Variants in USP25 observed in about 807,000 individuals in gnomAD.
USP25 encodes ubiquitin specific peptidase 25.
In USP25, 85 loss-of-function variants were observed where a neutral mutation model predicts 158.5. That is an observed-to-expected ratio of 0.54 (90% CI 0.45 to 0.64). USP25 has a LOEUF of 0.64. Ranked by LOEUF, USP25 falls within the 30% of genes least tolerant of loss-of-function variation. The probability of loss-of-function intolerance (pLI) is 0.00; values close to 1 mark genes in which losing one functional copy is unlikely to be tolerated. For missense variants in USP25, 1,242 were observed against 1,327.3 expected, an observed-to-expected ratio of 0.94 and a Z score of 1.00; for synonymous variants, 464 against 460.4, an observed-to-expected ratio of 1.01 and a Z score of -0.10.
intron 20 of USP25, 105 bp from the exon 21 acceptor site, chr21:15,864,158 CAAAAA>C: frequency 4.3e-6 from 4 of 932,096 alleles, no homozygotes; most frequent in Non-Finnish European, 4.4e-6. Flanking sequence ...CTTTAAAAGC[CAAAAA>C]AAAAAAAAAG....
At chr21:15,876,130 G>C (rs1169121337) in intron 24 of USP25, 3 of 152,118 alleles carry the variant, frequency 2.0e-5, no homozygotes, top group Admixed American at 1.3e-4. Flanking sequence ...TCTAATAGGA[G>C]GAACAAGGTT....
intron 1 of USP25, 58 bp from the exon 2 acceptor site, chr21:15,762,833 T>C: frequency 1.4e-6 from 2 of 1,475,738 alleles, no homozygotes; most frequent in South Asian, 1.3e-5. Flanking sequence ...TTGTTTTCTT[T>C]TCCTAGTATA....
intron 4 of USP25, among the ~76,000 whole-genome samples, chr21:15,781,446 T>G (rs535198219): frequency 2.0e-5 from 3 of 152,236 alleles, no homozygotes; most frequent in Admixed American, 1.3e-4. Context: ...TCACAATGGC[T>G]AAAATTAAAA....
At chr21:15,749,757 T>C (rs573350140) in intron 1 of USP25, among the ~76,000 whole-genome samples, 1 of 152,334 alleles carries the variant, frequency 6.6e-6, no homozygotes, top group South Asian at 2.1e-4. Flanking sequence ...ATAGCTGAAA[T>C]AAACTGTTGA....
rs769883569 is a variant in USP25, at chr21:15,874,572, T to G, written c.3009+46T>G. On this transcript the variant is annotated intron_variant, in intron 24 of 25. Coordinates refer to ENST00000400183, the MANE Select transcript of USP25 (RefSeq NM_001283041.3). Reference sequence around the variant, plus strand: ...ATGATCTTATCATTTTGTCTGACATTGGGCAAGTTTTCCAGACTCATATAT... The same window carrying G: ...ATGATCTTATCATTTTGTCTGACATGGGGCAAGTTTTCCAGACTCATATAT... 24 of 1,531,100 alleles carry G rather than the reference T, an allele frequency of 1.6e-5. No individual in the cohort carries two copies. The African/African-American group carries it at 2.6e-4, about 17-fold the overall frequency. 94.8% of individuals were successfully genotyped at this position (1,531,100 alleles called of 1,614,324 possible).
At chr21:15,869,685 A>C (rs757917441) in intron 22 of USP25, among the ~76,000 whole-genome samples, 2 of 152,196 alleles carry the variant, frequency 1.3e-5, no homozygotes. Flanking sequence ...GCTTTGATTC[A>C]TACTCAGCGT....
In USP25 at chr21:15,826,237, C is replaced by A. The variant is rs755669876; in HGVS notation, c.1338C>A (p.Phe446Leu). The A allele has an allele frequency of 3.7e-6, 6 of 1,613,988 alleles. No homozygotes were observed. Among genetic ancestry groups the A allele is most frequent in the Non-Finnish European group, 4.2e-6 (5 of 1,179,916 alleles). ...YLSYGSGPKR[F>L]PLVDVLQYAL... ...GCTATGGTTCCGGTCCCAAACGATT[C>A]CCCTTGGTAGATGTTCTTCAGTATG... Residue 446 changes from phenylalanine to leucine, a missense_variant, in exon 13 of 26, where the codon TTC becomes TTA. Phe to Leu is a conservative substitution (Grantham distance 22). Around this residue, in one of 3 missense-constraint regions of USP25, gnomAD observed 627 missense variants for 701.4 expected, o/e 0.89. Coordinates refer to ENST00000400183, the MANE Select transcript of USP25 (RefSeq NM_001283041.3). The surrounding 1 kb of genome is among the most constrained non-coding windows in gnomAD (Gnocchi z 4.8).
intron 25 of USP25, 64 bp downstream of exon 25, chr21:15,878,055 G>A: frequency 7.4e-7 from 1 of 1,342,632 alleles, no homozygotes; most frequent in South Asian, 1.5e-5. Flanking sequence ...AGAATTAGAT[G>A]TTATTTATTC....
rs774327614 is a variant in USP25, at chr21:15,799,823, G to C, written c.622G>C (p.Asp208His). The change falls in exon 6 of 26, where the codon GAT (aspartate) becomes CAT (histidine). Residue 208 changes from aspartate to histidine, a missense_variant. Around this residue, in one of 3 missense-constraint regions of USP25, gnomAD observed 627 missense variants for 701.4 expected, o/e 0.89. Transcript: ENST00000400183. ...TTACAAGCCTCCATCAAATGCTCAA[G>C]ATTTACCCCGAAACCAAAAGGTAAA... Reference protein sequence around the residue: ...LNYKPPSNAQDLPRNQKEHRN... With the variant: ...LNYKPPSNAQHLPRNQKEHRN... The C allele has an allele frequency of 3.7e-6, 6 of 1,603,486 alleles. No individual in the cohort carries two copies. In the South Asian group the frequency reaches 5.6e-5, roughly 15 times the overall value.
chr21:15,842,611 G>T, intron 18 of USP25, 71 bp downstream of exon 18: 12 of 1,558,570 alleles, frequency 7.7e-6, no homozygotes, highest in Non-Finnish European at 1.0e-5. Context: ...AGTGGAGAGG[G>T]ACCTGTCAGG....
intron 18 of USP25, among the ~76,000 whole-genome samples, chr21:15,844,396 C>A (rs1305731323): frequency 6.6e-6 from 1 of 152,050 alleles, no homozygotes; most frequent in East Asian, 1.9e-4. Context: ...TCCAGATAGA[C>A]CTCAGTCTTC....
chr21:15,840,193 G>A (rs2038261811), intron 17 of USP25, among the ~76,000 whole-genome samples: 1 of 152,040 alleles, frequency 6.6e-6, no homozygotes, highest in Non-Finnish European at 1.5e-5. Context: ...AATCCTTCAA[G>A]ACTCATCTAA....
chr21:15,862,579 T>C (rs564061717), intron 20 of USP25, among the ~76,000 whole-genome samples: 78 of 150,788 alleles, frequency 5.2e-4, no homozygotes, highest in Non-Finnish European at 9.0e-4. Flanking sequence ...CCGTTTTTTT[T>C]TTTTTTTCCG....
At chr21:15,815,408 G>T (rs1337843867) in intron 9 of USP25, among the ~76,000 whole-genome samples, 1 of 152,168 alleles carries the variant, frequency 6.6e-6, no homozygotes, top group Non-Finnish European at 1.5e-5. Context: ...ACCCCAGAAT[G>T]TTAGATCCAC....
chr21:15,796,164 C>CT (rs1003676699), intron 5 of USP25, among the ~76,000 whole-genome samples: 17 of 151,588 alleles, frequency 1.1e-4, no homozygotes, highest in African/African-American at 3.9e-4. Context: ...AAAAGTTACC[C>CT]TTTCTTACCT....
rs1341090518 is a variant in USP25, at chr21:15,878,686, A to G, written c.*211A>G. 9.5e-6 allele frequency: 4 copies of G among 420,862 alleles called. No individual in the cohort carries two copies. In the Admixed American group the frequency reaches 1.7e-4, roughly 18 times the overall value. 26.1% of individuals were successfully genotyped at this position (420,862 alleles called of 1,614,324 possible). A position where few individuals can be genotyped will look rare whatever the true frequency, so the allele number is the denominator to read the frequency against. On this transcript the variant is annotated 3_prime_UTR_variant, in exon 26 of 26. Coordinates refer to ENST00000400183, the MANE Select transcript of USP25 (RefSeq NM_001283041.3). ...CGCTCAGACATTTTAACCGGAACTG[A>G]TGTATAATCACAAATCTAATTGATT...
At chr21:15,877,733 C>T (rs1229972651) in intron 24 of USP25, 63 bp from the exon 25 acceptor site, 2 of 1,177,574 alleles carry the variant, frequency 1.7e-6, no homozygotes, top group Non-Finnish European at 1.2e-6. Context: ...TTAATACTTA[C>T]AGATCCTTAA....
intron 1 of USP25, among the ~76,000 whole-genome samples, chr21:15,738,184 T>A (rs571763762): frequency 6.6e-6 from 1 of 152,366 alleles, no homozygotes; most frequent in Non-Finnish European, 1.5e-5. Flanking sequence ...TCATTCATTT[T>A]GTGAATATCA....
At chr21:15,779,264 A>T (rs571562867) in intron 4 of USP25, among the ~76,000 whole-genome samples, 25 of 152,150 alleles carry the variant, frequency 1.6e-4, no homozygotes, top group African/African-American at 5.5e-4. Context: ...AATTATATGA[A>T]TTGGGCTTTT....
Sources: gnomAD v4.1 joint callset for allele counts (sites outside exome capture counted in the v4.1 genomes callset) on GRCh38, gnomAD v4.1.1 for gene constraint, gnomAD v4.1.1 regional missense constraint, Gnocchi (gnomAD v3.1) non-coding constraint, MANE v1.5 for transcripts, NCBI Gene and HGNC (gene_info 2026-07-23, HGNC 2026-07-21) for gene names.